The following SPOCK2 variants were observed in gnomAD, a reference collection of about 807,000 sequenced individuals.
SPOCK2 encodes the protein testican-2.
SPOCK2 carries 39 observed loss-of-function variants against 60.1 expected under a neutral mutation model. That is an observed-to-expected ratio of 0.65 (90% CI 0.50 to 0.85). The LOEUF (loss-of-function observed/expected upper bound fraction) is 0.85. Among genes scored for constraint, SPOCK2 ranks in the 40% least tolerant of loss-of-function variants. The pLI, the probability that SPOCK2 is intolerant of heterozygous loss-of-function variation, is 0.00. For missense variants in SPOCK2, 523 were observed against 567.4 expected (o/e 0.92, Z 0.80); for synonymous variants, 217 against 231.5 (o/e 0.94, Z 0.57).
intron 1 of SPOCK2, among the ~76,000 whole-genome samples, chr10:72,083,592 C>T (rs1332459333): frequency 1.3e-5 from 2 of 152,206 alleles, no homozygotes; most frequent in Admixed American, 1.3e-4. Context: ...TGCTGCTAGA[C>T]TGGAGTAGCA....
intron 1 of SPOCK2, 135 bp downstream of exon 1, chr10:72,088,005 T>C (rs1469179636): frequency 5.1e-6 from 6 of 1,169,916 alleles, no homozygotes; most frequent in East Asian, 2.6e-5. Context: ...CAGTACTGTT[T>C]ACTTTCCGTG....
At chr10:72,089,015 A>G (rs1840906528), upstream of SPOCK2, 1 of 152,288 alleles carries the variant, frequency 6.6e-6, no homozygotes, top group Non-Finnish European at 1.5e-5. Context: ...TCGTTAAGAC[A>G]AAAGCCGTAT....
Position 72,060,536 on chromosome 10 carries a change from G to A in SPOCK2, c.*2224C>T, listed in dbSNP as rs1467980182. 1 of 152,036 alleles carries A rather than the reference G, an allele frequency of 6.6e-6. No individual in the cohort carries two copies. Among genetic ancestry groups the A allele is most frequent in the African/African-American group, 2.4e-5 (1 of 41,188 alleles). 9.4% of individuals were successfully genotyped at this position (152,036 alleles called of 1,614,324 possible). ...GAGGAAAGTTCCAGAACTCCAGCTG[G>A]GACAAATGGAAGAGATAGGTAGACT... is the stretch of plus-strand genomic sequence containing the variant. On this transcript the variant is annotated 3_prime_UTR_variant, in exon 11 of 11. Coordinates refer to ENST00000373109, the MANE Select transcript of SPOCK2 (RefSeq NM_001244950.2).
Position 72,072,496 on chromosome 10 carries a change from A to T in SPOCK2, c.244+7T>A. The T allele has an allele frequency of 6.2e-7, 1 of 1,613,976 alleles. No homozygotes were observed. The highest frequency in any genetic ancestry group is 8.5e-7 in the Non-Finnish European group (1 of 1,180,006). On this transcript the variant is annotated splice_region_variant and intron_variant, in intron 3 of 10. Coordinates refer to ENST00000373109, the MANE Select transcript of SPOCK2 (RefSeq NM_001244950.2). The stretch of plus-strand genomic sequence containing the variant: ...GTCACCTTCCCCCGCCGGGAGAGTC[A>T]TGTTACCTTCATCTCCTTGCTGATT...
In SPOCK2 at chr10:72,061,550, GCT is replaced by G. The variant is rs1396774730; in HGVS notation, c.*1208_*1209del. 6.5e-6 allele frequency: 1 copy of G among 152,726 alleles called. No individual in the cohort carries two copies. Among genetic ancestry groups the G allele is most frequent in the Non-Finnish European group, 1.5e-5 (1 of 68,438 alleles). The allele number at this position is 152,726 out of a possible 1,614,324, so 9.5% of individuals were successfully genotyped here. A position where few individuals can be genotyped will look rare whatever the true frequency, so the allele number is the denominator to read the frequency against. On this transcript the variant is annotated 3_prime_UTR_variant, in exon 11 of 11. Transcript: ENST00000373109. ...GCTTCTCTCCGGGGTCTCAGGGACA[GCT>G]CTCTCTGTTGGTCTGGGCAGGACAG...
In SPOCK2 at chr10:72,068,281, C is replaced by T. The variant is rs1299195522; in HGVS notation, c.495G>A (p.Ala165=). The T allele has an allele frequency of 5.6e-6, 9 of 1,611,486 alleles. No homozygotes were observed. Among genetic ancestry groups the T allele is most frequent in the African/African-American group, 1.3e-5 (1 of 75,030 alleles). ...YSSVCKLEQQ[A]CLSSKQLAVR... Reference sequence around the variant, plus strand: ...CCGCCAGCTGCTTGCTGCTCAGGCACGCCTGTTGCTCCAGCTTACACTGCA... The same window carrying T: ...CCGCCAGCTGCTTGCTGCTCAGGCATGCCTGTTGCTCCAGCTTACACTGCA... Residue 165 remains alanine, a synonymous_variant, in exon 6 of 11, where the codon GCG becomes GCA. Transcript: ENST00000373109.
At chr10:72,074,253 TG>T (rs2131817465) in intron 1 of SPOCK2, among the ~76,000 whole-genome samples, 1 of 152,058 alleles carries the variant, frequency 6.6e-6, no homozygotes, top group South Asian at 2.1e-4. Context: ...CCCTGGAAGC[TG>T]GCAAGCGTCA....
chr10:72,085,322 C>T (rs1461607804), intron 1 of SPOCK2, among the ~76,000 whole-genome samples: 2 of 152,156 alleles, frequency 1.3e-5, no homozygotes, highest in Admixed American at 6.5e-5. Flanking sequence ...GGGCACCCAG[C>T]ATTAGAAGAG....
chr10:72,086,633 A>C lies in SPOCK2; in HGVS notation c.189+1507T>G. On this transcript the variant is annotated intron_variant, in intron 1 of 10. Transcript: ENST00000373109. ...GCGCTGGGCCTGCAGGTGCTTCGGGAAGGCCTCGCGGGGCTCCAGGCTCCT... is the reference window on the plus strand; with the variant it reads ...GCGCTGGGCCTGCAGGTGCTTCGGGCAGGCCTCGCGGGGCTCCAGGCTCCT... 3 of 1,213,482 alleles carry C rather than the reference A, an allele frequency of 2.5e-6. 1 individual carries two copies. The South Asian group carries it at 4.7e-5, about 19-fold the overall frequency. 75.2% of individuals were successfully genotyped at this position (1,213,482 alleles called of 1,614,324 possible). A position where few individuals can be genotyped will look rare whatever the true frequency, so the allele number is the denominator to read the frequency against.
At chr10:72,084,487 A>G (rs1435984307) in intron 1 of SPOCK2, among the ~76,000 whole-genome samples, 2 of 152,150 alleles carry the variant, frequency 1.3e-5, no homozygotes, top group African/African-American at 2.4e-5. Flanking sequence ...GGAGTAGGCT[A>G]TAGGCAGGCT....
intron 4 of SPOCK2, 47 bp downstream of exon 4, chr10:72,072,097 C>G: frequency 7.0e-7 from 1 of 1,422,010 alleles, no homozygotes; most frequent in South Asian, 1.6e-5. Flanking sequence ...AGCCCTTGCT[C>G]TTTGAACACA....
At chr10:72,064,106 G>A (rs1840533413) in intron 9 of SPOCK2, 72 bp downstream of exon 9, 2 of 1,556,054 alleles carry the variant, frequency 1.3e-6, no homozygotes, top group African/African-American at 1.4e-5. Context: ...CAAGGCTGGA[G>A]GCCCTGGGTC....
Position 72,068,243 on chromosome 10 carries a change from C to G in SPOCK2, c.533G>C (p.Gly178Ala). The G allele has an allele frequency of 6.2e-7, 1 of 1,611,896 alleles. No homozygotes were observed. Among genetic ancestry groups the G allele is most frequent in the Non-Finnish European group, 8.5e-7 (1 of 1,179,396 alleles). Reference sequence around the variant, plus strand: ...CTGCTCCGTGGGGCAGGGGCAGGGGCCCTCGCATCGCACCGCCAGCTGCTT... The same window carrying G: ...CTGCTCCGTGGGGCAGGGGCAGGGGGCCTCGCATCGCACCGCCAGCTGCTT... ...SSKQLAVRCE[G>A]PCPCPTEQAA... The change falls in exon 6 of 11, where the codon GGC becomes GCC. Residue 178 changes from glycine (G) to alanine (A), a missense_variant. Gly to Ala is a moderately conservative substitution (Grantham distance 60, BLOSUM62 0). Transcript: ENST00000373109.
chr10:72,068,444 G>C, intron 5 of SPOCK2, 143 bp from the exon 6 acceptor site: 1 of 855,016 alleles, frequency 1.2e-6, no homozygotes, highest in Admixed American at 2.9e-5. Flanking sequence ...GGTCCTCTTG[G>C]TTCCTCTGCA....
chr10:72,063,107 G>T lies in SPOCK2; in HGVS notation c.1047C>A (p.Asp349Glu), dbSNP rs1188087518. Residue 349 changes from aspartate to glutamate, a missense_variant, in exon 10 of 11, where the codon GAC (aspartate) becomes GAA (glutamate). Asp to Glu is a conservative substitution (Grantham distance 45). Coordinates refer to ENST00000373109, the MANE Select transcript of SPOCK2 (RefSeq NM_001244950.2). ...CACACCAGCAGTCACCGCTGCTCTG[G>T]TCACACTGCATCTTCCGGTAGTAGC... ...EDGYYRKMQC[D>E]QSSGDCWCVD... is the part of the protein sequence containing the mutation. The T allele has an allele frequency of 6.4e-7, 1 of 1,555,898 alleles. No homozygotes were observed.
chr10:72,063,438 C>T (rs911756466), intron 9 of SPOCK2, among the ~76,000 whole-genome samples: 12 of 152,232 alleles, frequency 7.9e-5, no homozygotes, highest in African/African-American at 2.7e-4. Context: ...GTTTCCCTGA[C>T]TCCATGGCCC....
rs1840458938 is a variant in SPOCK2 at position 72,059,061 on chromosome 10, T to C, written c.*3699A>G. ...GTGTTTATAAAGTTTTTATTTTCCATTTTCTTAAAAATAACATTTGATTTC... is the reference window on the plus strand; with the variant it reads ...GTGTTTATAAAGTTTTTATTTTCCACTTTCTTAAAAATAACATTTGATTTC... On this transcript the variant is annotated 3_prime_UTR_variant, in exon 11 of 11. Transcript: ENST00000373109. 6.6e-6 allele frequency: 1 copy of C among 152,654 alleles called. No individual in the cohort carries two copies. Among genetic ancestry groups the C allele is most frequent in the South Asian group, 2.1e-4 (1 of 4,834 alleles). 9.5% of individuals were successfully genotyped at this position (152,654 alleles called of 1,614,324 possible).
rs1840459439 is a variant in SPOCK2 at position 72,059,125 on chromosome 10, G to A, written c.*3635C>T. ...TGGAGTGTACTTGTTTCCTTAGGCT[G>A]AGTAATAGGCAGATAAAGACGACAC... On this transcript the variant is annotated 3_prime_UTR_variant, in exon 11 of 11. Coordinates refer to ENST00000373109, the MANE Select transcript of SPOCK2 (RefSeq NM_001244950.2). The A allele has an allele frequency of 6.6e-6, 1 of 152,634 alleles. No homozygotes were observed. The highest frequency in any genetic ancestry group is 2.4e-5 in the African/African-American group (1 of 41,406). The allele number at this position is 152,634 out of a possible 1,614,324, so 9.5% of individuals were successfully genotyped here.
chr10:72,065,664 G>A (rs573304003), intron 8 of SPOCK2, among the ~76,000 whole-genome samples: 6 of 152,322 alleles, frequency 3.9e-5, no homozygotes, highest in South Asian at 2.1e-4. Context: ...GACAGTTCCC[G>A]GCCTCCTGCC....
Sources: allele counts gnomAD v4.1 joint callset (sites outside exome capture counted in the v4.1 genomes callset), GRCh38; gene constraint gnomAD v4.1.1; transcripts MANE v1.5; gene names NCBI Gene and HGNC (gene_info 2026-07-23, HGNC 2026-07-21).